The following JADE3 variants were observed in gnomAD, a reference collection of about 807,000 sequenced individuals.
JADE3 encodes jade family PHD finger 3, also known as protein Jade-3.
JADE3 carries 2 observed loss-of-function variants against 50.1 expected under a neutral mutation model. The ratio of observed to expected loss-of-function variants is 0.04; its 90% CI spans 0.02 to 0.13. The LOEUF is 0.13. Ranked by LOEUF, JADE3 falls within the 10% of genes least tolerant of loss-of-function variation. The pLI is 1.00. For missense variants in JADE3, 475 were observed against 634.4 expected, an observed-to-expected ratio of 0.75 and a Z score of 2.70; for synonymous variants, 218 against 232.9, an observed-to-expected ratio of 0.94 and a Z score of 0.58.
At chrX:46,925,809 G>A (rs1383316927) in intron 1 of JADE3, among the ~76,000 whole-genome samples, 3 of 96,163 alleles carry the variant, frequency 3.1e-5, no homozygotes, top group Non-Finnish European at 2.0e-5. Flanking sequence ...GGGCAACAGA[G>A]CAAGACTCCG....
At position 47,033,881 on chromosome X, in the gene JADE3, C is replaced by T. The variant is rs1203003021; in HGVS notation, c.855+93C>T. The T allele has an allele frequency of 6.6e-6, 5 of 756,416 alleles. No individual in the cohort carries two copies. The African/African-American group carries it at 8.6e-5, about 13-fold the overall frequency. 62.3% of individuals were successfully genotyped at this position (756,416 alleles called of 1,213,427 possible). ...CTGACTCAGGCTCAGTATGGAAATG[C>T]TTCATGCTTGCCCATGTTTCTGAAG... is the stretch of plus-strand genomic sequence containing the variant. On this transcript the variant is annotated intron_variant, in intron 7 of 10. Coordinates refer to ENST00000614628, the MANE Select transcript of JADE3 (RefSeq NM_014735.5).
chrX:46,924,224 T>C (rs982959184), intron 1 of JADE3, among the ~76,000 whole-genome samples: 4 of 111,896 alleles, frequency 3.6e-5, no homozygotes, highest in African/African-American at 1.3e-4. Flanking sequence ...TGTGAGAGCC[T>C]GGTGGAATTC....
intron 7 of JADE3, among the ~76,000 whole-genome samples, chrX:47,037,276 C>T (rs1249622669): frequency 8.1e-5 from 9 of 111,633 alleles, no homozygotes; most frequent in Non-Finnish European, 1.1e-4. Context: ...TTTCTACTTA[C>T]ATTCTGCAGT....
At chrX:47,012,987 G>T (rs900080556) in intron 4 of JADE3, among the ~76,000 whole-genome samples, 1 of 111,450 alleles carries the variant, frequency 9.0e-6, no homozygotes, top group Non-Finnish European at 1.9e-5. Context: ...GAATTAGCAA[G>T]AAATCCTAGT....
chrX:47,029,606 A>G (rs1928975868), intron 6 of JADE3, among the ~76,000 whole-genome samples: 1 of 112,286 alleles, frequency 8.9e-6, no homozygotes, highest in African/African-American at 3.2e-5. Flanking sequence ...ACCAGGGCTT[A>G]AGATTATTTT....
intron 4 of JADE3, among the ~76,000 whole-genome samples, chrX:47,006,842 A>G (rs782075161): frequency 1.2e-4 from 13 of 110,795 alleles, no homozygotes; most frequent in Non-Finnish European, 2.5e-4. Context: ...TCTTAAGTAT[A>G]TATTTTTTTA....
intron 1 of JADE3, among the ~76,000 whole-genome samples, chrX:46,924,493 T>G (rs1240877506): frequency 2.7e-5 from 3 of 112,352 alleles, no homozygotes; most frequent in African/African-American, 9.7e-5. Flanking sequence ...GCATTTTTCT[T>G]TTAGTGAGAG....
At chrX:46,994,453 G>A (rs1185455161) in intron 3 of JADE3, among the ~76,000 whole-genome samples, 2 of 112,233 alleles carry the variant, frequency 1.8e-5, no homozygotes, top group African/African-American at 3.2e-5. Flanking sequence ...ATATAAAATA[G>A]ACACACTATT....
chrX:47,028,122 C>A lies in JADE3; in HGVS notation c.687+19C>A, dbSNP rs782306136. Reference sequence around the variant, plus strand: ...GCATCAGGTTAGTGAGAGTGGAGACCGTCATCTCCCTACGGTCAGCCTTTC... The same window carrying A: ...GCATCAGGTTAGTGAGAGTGGAGACAGTCATCTCCCTACGGTCAGCCTTTC... On this transcript the variant is annotated intron_variant, in intron 6 of 10. Coordinates refer to ENST00000614628, the MANE Select transcript of JADE3 (RefSeq NM_014735.5). 4.6e-6 allele frequency: 5 copies of A among 1,092,315 alleles called. No homozygotes were observed. The highest frequency in any genetic ancestry group is 3.8e-6 in the Non-Finnish European group (3 of 791,034). 90.0% of individuals were successfully genotyped at this position (1,092,315 alleles called of 1,213,427 possible).
intron 1 of JADE3, among the ~76,000 whole-genome samples, chrX:46,935,954 G>C (rs1556340918): frequency 9.9e-6 from 1 of 100,988 alleles, no homozygotes; most frequent in African/African-American, 3.7e-5. Flanking sequence ...TGAGATTACA[G>C]GTATGAGCCA....
At chrX:46,927,472 G>C (rs1226335533) in intron 1 of JADE3, among the ~76,000 whole-genome samples, 2 of 112,148 alleles carry the variant, frequency 1.8e-5, no homozygotes, top group African/African-American at 6.5e-5. Context: ...TGAGAGTCTT[G>C]TATAACATCC....
At chrX:46,915,428 C>T (rs141329751) in intron 1 of JADE3, among the ~76,000 whole-genome samples, 4,171 of 111,995 alleles carry the variant, frequency 0.037, 204 homozygotes, top group African/African-American at 0.13. Flanking sequence ...TAGGTGACAC[C>T]TGTCTGGCAC....
At chrX:46,994,802 A>G (rs782244226) in intron 3 of JADE3, among the ~76,000 whole-genome samples, 1 of 111,988 alleles carries the variant, frequency 8.9e-6, no homozygotes, top group Non-Finnish European at 1.9e-5. Flanking sequence ...TAATAAAATA[A>G]CACCATCTAG....
chrX:46,953,347 G>C (rs1221495498), intron 1 of JADE3, among the ~76,000 whole-genome samples: 1 of 111,127 alleles, frequency 9.0e-6, no homozygotes, highest in Non-Finnish European at 1.9e-5. Flanking sequence ...ATTCAGGCCA[G>C]TGAATACTGG....
chrX:47,026,749 T>G (rs1928917022), intron 5 of JADE3, among the ~76,000 whole-genome samples: 1 of 111,850 alleles, frequency 8.9e-6, no homozygotes, highest in African/African-American at 3.2e-5. Context: ...TGTACCAATA[T>G]TACTTCATCT....
intron 1 of JADE3, among the ~76,000 whole-genome samples, chrX:46,924,380 C>T (rs781852581): frequency 7.1e-5 from 8 of 112,225 alleles, no homozygotes; most frequent in Non-Finnish European, 1.5e-4. Flanking sequence ...TGTCTCCCTG[C>T]GGGTATGAGT....
chrX:46,952,737 C>T (rs1291997045), intron 1 of JADE3, among the ~76,000 whole-genome samples: 2 of 112,105 alleles, frequency 1.8e-5, no homozygotes, highest in Non-Finnish European at 3.8e-5. Flanking sequence ...GTGGCTCACG[C>T]CTGTAATCCC....
intron 4 of JADE3, among the ~76,000 whole-genome samples, chrX:47,021,831 A>G (rs1928800339): frequency 8.9e-6 from 1 of 111,768 alleles, no homozygotes; most frequent in Non-Finnish European, 1.9e-5. Context: ...TATATTGTAG[A>G]TGTAAGTCCT....
chrX:46,921,009 G>A (rs183558132), intron 1 of JADE3, among the ~76,000 whole-genome samples: 10 of 111,736 alleles, frequency 8.9e-5, no homozygotes, highest in South Asian at 3.8e-4. Context: ...CAAACTCTTG[G>A]TCTTAAGCAG....
Sources: allele counts gnomAD v4.1 joint callset (sites outside exome capture counted in the v4.1 genomes callset), GRCh38; gene constraint gnomAD v4.1.1; transcripts MANE v1.5; gene names NCBI Gene and HGNC (gene_info 2026-07-23, HGNC 2026-07-21).